The following WDR49 variants were observed in gnomAD, a reference collection of about 807,000 sequenced individuals.
The protein encoded by WDR49 is cilia- and flagella-associated protein 337.
A neutral mutation model predicts 119.5 loss-of-function variants in WDR49; 107 were observed. The ratio of observed to expected loss-of-function variants is 0.90; its 90% confidence interval spans 0.77 to 1.05. The LOEUF (loss-of-function observed/expected upper bound fraction) is 1.05, where lower values mean the gene tolerates loss of function less well. WDR49 is among the 50% of genes least tolerant of loss of function. The pLI is 0.00. For synonymous variants in WDR49, 425 were observed against 418.8 expected (o/e 1.01, Z -0.18); for missense variants, 1,240 against 1,220.5 (o/e 1.02, Z -0.24).
chr3:167,588,094 A>G, intron 7 of WDR49, among the ~76,000 whole-genome samples: 1 of 151,148 alleles, frequency 6.6e-6, no homozygotes, highest in Non-Finnish European at 1.5e-5. Context: ...TTCCTCTCCA[A>G]CCTCCCCCAC....
intron 8 of WDR49, 99 bp from the exon 9 acceptor site, chr3:167,560,327 G>T (rs1713192112): frequency 6.6e-6 from 8 of 1,220,374 alleles, no homozygotes; most frequent in Non-Finnish European, 8.9e-6. Flanking sequence ...CTAGTCCAAA[G>T]ATCCCCCAAC....
chr3:167,641,569 T>C (rs1375039412), intron 2 of WDR49, among the ~76,000 whole-genome samples: 1 of 152,014 alleles, frequency 6.6e-6, no homozygotes, highest in African/African-American at 2.4e-5. Context: ...AGACCTCTCT[T>C]CTGAGCACTA....
chr3:167,563,729 CATGTATTATTTCTTT>C (rs1330631172), intron 8 of WDR49, among the ~76,000 whole-genome samples: 2 of 152,134 alleles, frequency 1.3e-5, no homozygotes, highest in Admixed American at 6.5e-5. Flanking sequence ...TCACCTTAAA[CATGTATTATTTCTTT>C]ATGTTGAAAC....
upstream of WDR49, among the ~76,000 whole-genome samples, chr3:167,656,960 G>T (rs1180651656): frequency 6.6e-6 from 1 of 152,132 alleles, no homozygotes; most frequent in Non-Finnish European, 1.5e-5. Flanking sequence ...CACCAAGAGG[G>T]CAGAGTAAGC....
At chr3:167,569,201 C>T (rs1713786590) in intron 8 of WDR49, among the ~76,000 whole-genome samples, 1 of 152,120 alleles carries the variant, frequency 6.6e-6, no homozygotes, top group Non-Finnish European at 1.5e-5. Context: ...CTTGGCCTCC[C>T]AAAGTGCTGG....
intron 7 of WDR49, among the ~76,000 whole-genome samples, chr3:167,592,210 A>T (rs550945566): frequency 6.6e-6 from 1 of 152,256 alleles, no homozygotes; most frequent in South Asian, 2.1e-4. Flanking sequence ...CCTTAACTTC[A>T]TGCTCCTTAA....
chr3:167,621,133 T>G (rs1011227026), intron 4 of WDR49, among the ~76,000 whole-genome samples: 1 of 152,074 alleles, frequency 6.6e-6, no homozygotes, highest in Admixed American at 6.6e-5. Flanking sequence ...ATGGGATAAA[T>G]GTAATCATTT....
At chr3:167,601,770 C>A (rs1715784060) in intron 7 of WDR49, among the ~76,000 whole-genome samples, 1 of 152,062 alleles carries the variant, frequency 6.6e-6, no homozygotes, top group Non-Finnish European at 1.5e-5. Context: ...TATTTAATTG[C>A]CTATGCCTGG....
At chr3:167,605,063 G>A (rs1019855299) in intron 5 of WDR49, among the ~76,000 whole-genome samples, 38 of 147,544 alleles carry the variant, frequency 2.6e-4, no homozygotes, top group East Asian at 6.1e-4. Flanking sequence ...TACATATGGC[G>A]TATATATACA....
chr3:167,554,706 T>A lies in WDR49; in HGVS notation c.1767A>T (p.Lys589Asn), dbSNP rs1712815698. The change falls in exon 10 of 19, where the codon AAA becomes AAT. Residue 589 changes from lysine to asparagine, a missense_variant. Transcript: ENST00000682715. Reference sequence around the variant, plus strand: ...ACCTCTCCCAGCCTGTAACCAGTATTTTCTTCTTAAGAATGAGGATTTGTG... The same window carrying A: ...ACCTCTCCCAGCCTGTAACCAGTATATTCTTCTTAAGAATGAGGATTTGTG... ...DISQILILKK[K>N]ILVTGWERYD... The A allele has an allele frequency of 6.2e-7, 1 of 1,613,330 alleles. No homozygotes were observed. Among genetic ancestry groups the A allele is most frequent in the Non-Finnish European group, 8.5e-7 (1 of 1,179,562 alleles).
intron 7 of WDR49, among the ~76,000 whole-genome samples, chr3:167,579,397 A>G (rs1714422488): frequency 6.6e-6 from 1 of 152,302 alleles, no homozygotes; most frequent in Middle Eastern, 3.4e-3. Flanking sequence ...ACCCAATTGC[A>G]GTTCTCACAT....
intron 10 of WDR49, among the ~76,000 whole-genome samples, chr3:167,545,214 G>T (rs1014662800): frequency 6.6e-6 from 1 of 151,656 alleles, no homozygotes. Flanking sequence ...TGGCATGGAC[G>T]TGGTGAAAAG....
intron 18 of WDR49, among the ~76,000 whole-genome samples, chr3:167,490,012 G>T (rs1218974664): frequency 4.6e-5 from 7 of 152,026 alleles, no homozygotes; most frequent in African/African-American, 1.4e-4. Flanking sequence ...GAGCTCCCTG[G>T]TGATGCCCAT....
chr3:167,523,745 G>A (rs369129354), intron 15 of WDR49, among the ~76,000 whole-genome samples: 233 of 152,168 alleles, frequency 1.5e-3, no homozygotes, highest in Middle Eastern at 0.014. Context: ...TTATGGCTGC[G>A]TAGTATTCCA....
intron 5 of WDR49, among the ~76,000 whole-genome samples, chr3:167,615,435 T>A (rs1421313537): frequency 1.5e-5 from 2 of 137,552 alleles, no homozygotes; most frequent in African/African-American, 5.6e-5. Context: ...CACTCCCGGC[T>A]CTCCATTTAA....
chr3:167,575,093 G>C, intron 8 of WDR49: 26 of 985,390 alleles, frequency 2.6e-5, no homozygotes, highest in Non-Finnish European at 3.1e-5. Flanking sequence ...AGAATGGATT[G>C]AGTTACTGTT....
chr3:167,599,948 C>T (rs1166507737), intron 7 of WDR49, among the ~76,000 whole-genome samples: 1 of 152,092 alleles, frequency 6.6e-6, no homozygotes, highest in East Asian at 1.9e-4. Context: ...CTTTAGTCAA[C>T]AAGTGATGGG....
chr3:167,626,615 C>T lies in WDR49; in HGVS notation c.606+237G>A, dbSNP rs575962403. The stretch of plus-strand genomic sequence containing the variant: ...GCTGTAAACTATACAGGAGTAAAGT[C>T]CTTATAAGCTAATAATGAAGCATGG... On this transcript the variant is annotated intron_variant, in intron 3 of 18. Transcript: ENST00000682715. Among the ~76,000 whole-genome samples the T allele has an allele frequency of 2.0e-5, 3 of 152,158 alleles. No individual in the cohort carries two copies. The South Asian group carries it at 6.2e-4, about 32-fold the overall frequency.
intron 16 of WDR49, among the ~76,000 whole-genome samples, chr3:167,511,759 G>T (rs575656308): frequency 6.6e-6 from 1 of 152,168 alleles, no homozygotes; most frequent in Admixed American, 6.5e-5. Flanking sequence ...CCAATCAGCC[G>T]TTTTCCCCTG....
Sources: gnomAD v4.1 joint callset for allele counts (sites outside exome capture counted in the v4.1 genomes callset) on GRCh38, gnomAD v4.1.1 for gene constraint, MANE v1.5 for transcripts, NCBI Gene and HGNC (gene_info 2026-07-23, HGNC 2026-07-21) for gene names.